MAEL: variants seen among roughly 807,000 people sequenced by gnomAD.
MAEL encodes protein maelstrom homolog.
In MAEL, 46 loss-of-function variants were observed where a neutral mutation model predicts 62.0. That is an observed-to-expected ratio of 0.74 (90% CI 0.59 to 0.95). MAEL has a LOEUF of 0.95. MAEL is among the 40% of genes least tolerant of loss of function. The pLI, the probability that MAEL is intolerant of heterozygous loss-of-function variation, is 0.00. For missense variants in MAEL, 497 were observed against 526.8 expected, an observed-to-expected ratio of 0.94 and a Z score of 0.55; for synonymous variants, 172 against 175.5, an observed-to-expected ratio of 0.98 and a Z score of 0.16.
chr1:167,020,660 G>A (rs994567065), intron 10 of MAEL, among the ~76,000 whole-genome samples: 1 of 151,844 alleles, frequency 6.6e-6, no homozygotes, highest in Non-Finnish European at 1.5e-5. Flanking sequence ...ACTCATCTAC[G>A]TGCATCTACC....
intron 8 of MAEL, among the ~76,000 whole-genome samples, chr1:167,009,852 T>TC (rs200255036): frequency 0.011 from 1,735 of 152,266 alleles, 18 homozygotes; most frequent in Non-Finnish European, 0.017. Flanking sequence ...GTCTTTTTTT[T>TC]CCCCTCTCTT....
chr1:167,017,614 A>G (rs188042447), intron 9 of MAEL, among the ~76,000 whole-genome samples: 3 of 152,284 alleles, frequency 2.0e-5, no homozygotes, highest in African/African-American at 7.2e-5. Flanking sequence ...CTAAAATTTT[A>G]TCTGGCAATC....
chr1:166,982,660 T>C (rs1663792775), intron 1 of MAEL, among the ~76,000 whole-genome samples: 1 of 151,706 alleles, frequency 6.6e-6, no homozygotes, highest in African/African-American at 2.4e-5. Context: ...TTATACTTAA[T>C]TAAAAAAAAA....
At position 167,021,735 on chromosome 1, in the gene MAEL, C is replaced by T; in HGVS notation, c.1185C>T (p.Arg395=). ...GCGTTCGGGGAAGAGGAATTACCCG[C>T]TTACTAGAGAGCATTTCCAATTCTT... is the stretch of plus-strand genomic sequence containing the variant. ...NSSVRGRGIT[R]LLESISNSSS... is the part of the protein sequence containing the mutation. The change falls in exon 12 of 12, where the codon CGC becomes CGT. Residue 395 remains arginine (R), a synonymous_variant. Coordinates refer to ENST00000367872, the MANE Select transcript of MAEL (RefSeq NM_032858.3). 6.2e-7 allele frequency: 1 copy of T among 1,613,420 alleles called. No homozygotes were observed. The highest frequency in any genetic ancestry group is 8.5e-7 in the Non-Finnish European group (1 of 1,179,676).
Position 166,992,784 on chromosome 1 carries a change from G to A in MAEL, c.424G>A (p.Val142Ile). Residue 142 changes from valine to isoleucine, a missense_variant, in exon 4 of 12, where the codon GTT becomes ATT. Transcript: ENST00000367872. ...CTTCCTCCCTTGTGAAATTGGCTGT[G>A]TTAAGTATTCTCTCCAAGAAGGTAT... ...QRFLPCEIGC[V>I]KYSLQEGIMA... is the part of the protein sequence containing the mutation. The A allele has an allele frequency of 6.2e-7, 1 of 1,611,134 alleles. No individual in the cohort carries two copies. The highest frequency in any genetic ancestry group is 8.5e-7 in the Non-Finnish European group (1 of 1,178,912).
chr1:166,985,056 A>T (rs1439736297), upstream of MAEL, among the ~76,000 whole-genome samples: 1 of 152,234 alleles, frequency 6.6e-6, no homozygotes, highest in Non-Finnish European at 1.5e-5. Context: ...AAACTGGTCA[A>T]AATATATGAA....
chr1:166,989,866 C>T, intron 2 of MAEL, 37 bp downstream of exon 2: 9 of 1,500,998 alleles, frequency 6.0e-6, no homozygotes, highest in Non-Finnish European at 7.3e-6. Flanking sequence ...ATCTGCCTGG[C>T]ACATAGGCAT....
chr1:166,981,414 C>T (rs1051972843), intron 1 of MAEL, among the ~76,000 whole-genome samples: 1 of 152,030 alleles, frequency 6.6e-6, no homozygotes, highest in Non-Finnish European at 1.5e-5. Flanking sequence ...AAATTAAAAA[C>T]GAATATGAAT....
chr1:167,010,629 G>A (rs942287610), intron 8 of MAEL, among the ~76,000 whole-genome samples: 8 of 151,972 alleles, frequency 5.3e-5, no homozygotes, highest in African/African-American at 1.7e-4. Context: ...TTCATTTGTC[G>A]TGGAGACAGA....
At position 167,021,713 on chromosome 1, in the gene MAEL, T is replaced by C. The variant is rs140844121; in HGVS notation, c.1163T>C (p.Val388Ala). The change falls in exon 12 of 12, where the codon GTT becomes GCT. Residue 388 changes from valine (V) to alanine (A), a missense_variant. Physicochemically the swap from Val to Ala is moderately conservative, Grantham distance 64 (BLOSUM62 0). Transcript: ENST00000367872. ...AAAATTTCTGGCCAAAACAGCAGCG[T>C]TCGGGGAAGAGGAATTACCCGCTTA... ...RAKISGQNSSVRGRGITRLLE... is the reference protein window; with the variant it reads ...RAKISGQNSSARGRGITRLLE... The C allele has an allele frequency of 6.2e-4, 992 of 1,612,838 alleles. 2 individuals carry two copies. The highest frequency in any genetic ancestry group is 7.5e-4 in the Non-Finnish European group (881 of 1,179,522).
At chr1:166,992,882 GTTT>G in intron 4 of MAEL, 41 bp downstream of exon 4, 1 of 1,223,306 alleles carries the variant, frequency 8.2e-7, no homozygotes, top group Non-Finnish European at 1.1e-6. Context: ...AACGTGTATG[GTTT>G]TTTTTTTTAA....
chr1:167,005,389 C>A lies in MAEL; in HGVS notation c.837C>A (p.Ser279Arg), dbSNP rs1208827293. 6.2e-7 allele frequency: 1 copy of A among 1,607,198 alleles called. No individual in the cohort carries two copies. Among genetic ancestry groups the A allele is most frequent in the Non-Finnish European group, 8.5e-7 (1 of 1,177,500 alleles). The change falls in exon 8 of 12, where the codon AGC (serine) becomes AGA (arginine). Residue 279 changes from serine to arginine, a missense_variant. Ser to Arg is a moderately radical substitution (Grantham distance 110). Coordinates refer to ENST00000367872, the MANE Select transcript of MAEL (RefSeq NM_032858.3). ...ATGTGGCCATGTGGGATTATTCTAG[C>A]AACACAAGGTATTGCTAGCATTTTT... ...LLDVAMWDYS[S>R]NTRCKWHEEN...
At chr1:167,020,189 C>T (rs1665564892) in intron 10 of MAEL, among the ~76,000 whole-genome samples, 1 of 152,198 alleles carries the variant, frequency 6.6e-6, no homozygotes, top group Admixed American at 6.5e-5. Context: ...GCTGTAGACT[C>T]ATGTCTCCTC....
At chr1:166,989,269 C>T (rs978636197), upstream of MAEL, 8 of 1,516,044 alleles carry the variant, frequency 5.3e-6, no homozygotes, top group East Asian at 2.4e-5. Context: ...GCGCAGGCGC[C>T]TACCTCTGTT....
upstream of MAEL, among the ~76,000 whole-genome samples, chr1:166,985,666 A>G (rs1663892015): frequency 6.6e-6 from 1 of 152,252 alleles, no homozygotes; most frequent in Non-Finnish European, 1.5e-5. Context: ...AACTGTTTCC[A>G]AGTAACAGAA....
intron 8 of MAEL, among the ~76,000 whole-genome samples, chr1:167,015,619 AT>A (rs1360637919): frequency 6.6e-6 from 1 of 152,152 alleles, no homozygotes; most frequent in Non-Finnish European, 1.5e-5. Flanking sequence ...TACACAAATT[AT>A]TTCCGTCATT....
intron 1 of MAEL, among the ~76,000 whole-genome samples, chr1:166,982,315 C>T (rs1663781860): frequency 6.6e-6 from 1 of 152,246 alleles, no homozygotes; most frequent in African/African-American, 2.4e-5. Flanking sequence ...CACTCAAAGG[C>T]TGTGTGGCAT....
In MAEL at chr1:167,021,755, A is replaced by G. The variant is rs149589757; in HGVS notation, c.1205A>G (p.Asn402Ser). Residue 402 changes from asparagine (N) to serine (S), a missense_variant, in exon 12 of 12, where the codon AAT (asparagine) becomes AGT (serine). Coordinates refer to ENST00000367872, the MANE Select transcript of MAEL (RefSeq NM_032858.3). ...GITRLLESIS[N>S]SSSNIHKFSN... ...ACCCGCTTACTAGAGAGCATTTCCA[A>G]TTCTTCCAGCAATATCCACAAATTC... 116 of 1,613,318 alleles carry G rather than the reference A, an allele frequency of 7.2e-5. No homozygotes were observed. Among genetic ancestry groups the G allele is most frequent in the Middle Eastern group, 3.3e-4 (2 of 6,078 alleles).
At chr1:166,989,857 T>C (rs999559701) in intron 2 of MAEL, 28 bp downstream of exon 2, 1 of 1,564,792 alleles carries the variant, frequency 6.4e-7, no homozygotes, top group Admixed American at 1.8e-5. Context: ...AGAGCCGCCA[T>C]CTGCCTGGCA....
Sources: gnomAD v4.1 joint callset for allele counts (sites outside exome capture counted in the v4.1 genomes callset) on GRCh38, gnomAD v4.1.1 for gene constraint, MANE v1.5 for transcripts, NCBI Gene and HGNC (gene_info 2026-07-23, HGNC 2026-07-21) for gene names.